The following COL6A5 variants were observed in gnomAD, a reference collection of about 807,000 sequenced individuals.
COL6A5 encodes the protein collagen type VI alpha 5 chain.
Under a neutral mutation model 65.6 loss-of-function variants are expected in COL6A5, and 48 were observed. That is an observed-to-expected ratio of 0.73 (90% CI 0.58 to 0.93). The LOEUF (loss-of-function observed/expected upper bound fraction) is 0.93, where lower values mean the gene tolerates loss of function less well. COL6A5 is among the 40% of genes least tolerant of loss of function. The probability of loss-of-function intolerance (pLI) is 0.00; values close to 1 mark genes in which losing one functional copy is unlikely to be tolerated. For synonymous variants in COL6A5, 291 were observed against 322.8 expected (o/e 0.90, Z 1.05); for missense variants, 914 against 928.3 (o/e 0.98, Z 0.20).
exon 3 of COL6A5, chr3:130,440,773 A>G (rs1326134301): frequency 6.2e-7 from 1 of 1,613,126 alleles, no homozygotes; most frequent in East Asian, 2.2e-5. Flanking sequence ...TACATAAACC[A>G]GATCTGAATT....
exon 8 of COL6A5, chr3:130,484,065 A>G: frequency 1.2e-6 from 2 of 1,606,514 alleles, no homozygotes; most frequent in Non-Finnish European, 1.7e-6. Flanking sequence ...TCATAGGAGA[A>G]AAGAAGATAG....
chr3:130,353,261 C>T (rs1483507294), intron 1 of COL6A5, among the ~76,000 whole-genome samples: 1 of 152,154 alleles, frequency 6.6e-6, no homozygotes, highest in Non-Finnish European at 1.5e-5. Flanking sequence ...CCTGTCTTTC[C>T]TCAACTTTAC....
At chr3:130,439,461 G>T in intron 1 of COL6A5, 61 bp from the exon 34 acceptor site, 2 of 1,209,964 alleles carry the variant, frequency 1.7e-6, no homozygotes, top group South Asian at 1.3e-5. Flanking sequence ...TCCTTAAAGT[G>T]GTTTCCTACT....
chr3:130,479,561 A>C (rs1231368234), intron 7 of COL6A5, among the ~76,000 whole-genome samples: 1 of 152,126 alleles, frequency 6.6e-6, no homozygotes, highest in African/African-American at 2.4e-5. Context: ...TACCATAATT[A>C]TTTCAACTGA....
intron 25 of COL6A5, 111 bp from the exon 26 acceptor site, chr3:130,421,042 T>A (rs1437375842): frequency 1.0e-6 from 1 of 955,620 alleles, no homozygotes; most frequent in Non-Finnish European, 1.6e-6. Context: ...ATTAGGCCCC[T>A]TCTGCATGGA....
intron 7 of COL6A5, chr3:130,476,833 T>C: frequency 1.5e-6 from 1 of 652,124 alleles, no homozygotes; most frequent in Admixed American, 2.1e-5. Flanking sequence ...GTTGTAATGA[T>C]ATTATATACA....
At chr3:130,395,615 C>A in intron 8 of COL6A5, 150 bp downstream of exon 8, 1 of 727,292 alleles carries the variant, frequency 1.4e-6, no homozygotes. Flanking sequence ...GAAGAGACTT[C>A]TCTGCTTCCA....
chr3:130,438,848 T>C (rs2107701229), intron 1 of COL6A5, among the ~76,000 whole-genome samples: 1 of 152,246 alleles, frequency 6.6e-6, no homozygotes, highest in Non-Finnish European at 1.5e-5. Context: ...AATGAATGAG[T>C]GCTGTATATT....
At chr3:130,409,533 A>G in intron 18 of COL6A5, 145 bp downstream of exon 18, 1 of 645,240 alleles carries the variant, frequency 1.5e-6, no homozygotes, top group Non-Finnish European at 2.5e-6. Flanking sequence ...GGCTTTGGGA[A>G]AAGTCTGTTT....
In COL6A5 at chr3:130,389,009, A is replaced by G. The variant is rs1006545437; in HGVS notation, c.2291A>G (p.Tyr764Cys). The G allele has an allele frequency of 8.4e-6, 13 of 1,545,138 alleles. No homozygotes were observed. The highest frequency in any genetic ancestry group is 2.7e-5 in the African/African-American group (2 of 72,826). ...GTGACCATCTTCTCTGTAGGAGTAT[A>G]CAATGCCAATAGATCTCAGCTAGAA... The change falls in exon 6 of 42, where the codon TAC (tyrosine) becomes TGC (cysteine). Residue 764 changes from tyrosine to cysteine, a missense_variant and NMD_transcript_variant. Coordinates refer to the COL6A5 transcript ENST00000312481.
chr3:130,422,765 G>A (rs1375483160), exon 28 of COL6A5: 2 of 1,515,332 alleles, frequency 1.3e-6, no homozygotes, highest in Non-Finnish European at 1.8e-6. Context: ...TGGACCCAAA[G>A]GATTTAGGGG....
intron 12 of COL6A5, among the ~76,000 whole-genome samples, chr3:130,402,262 C>T (rs1436680030): frequency 6.6e-6 from 1 of 152,090 alleles, no homozygotes; most frequent in Non-Finnish European, 1.5e-5. Flanking sequence ...TAACGAGACC[C>T]CATCTCCTTA....
At chr3:130,351,788 C>T (rs1411428239) in intron 1 of COL6A5, among the ~76,000 whole-genome samples, 1 of 152,086 alleles carries the variant, frequency 6.6e-6, no homozygotes, top group Non-Finnish European at 1.5e-5. Flanking sequence ...ACCATTTGAC[C>T]CAGTGGTCTC....
Position 130,484,366 on chromosome 3 carries a change from G to A in COL6A5, c.*325G>A, listed in dbSNP as rs6439237. On this transcript the variant is annotated 3_prime_UTR_variant, in exon 8 of 8. Coordinates refer to ENST00000512836, the Ensembl canonical transcript of COL6A5. The stretch of plus-strand genomic sequence containing the variant: ...CAGTTCAGGCATCAATTTTGATGAT[G>A]TATCTGCCTGTAAAAGATTGTCATT... The A allele has an allele frequency of 2.2e-3, 880 of 406,764 alleles. 3 individuals are homozygous for A. Among genetic ancestry groups the A allele is most frequent in the African/African-American group, 0.016 (796 of 48,884 alleles). 25.2% of individuals were successfully genotyped at this position (406,764 alleles called of 1,614,324 possible).
chr3:130,421,207 A>C lies in COL6A5; in HGVS notation c.5001+4A>C. 1 of 1,550,604 alleles carries C rather than the reference A, an allele frequency of 6.4e-7. No homozygotes were observed. ...GATGGGACGAAAAGGAGTAAAGGTA[A>C]ATATGGAAATCAATTATTTTTATTC... On this transcript the variant is annotated splice_donor_region_variant and intron_variant and NMD_transcript_variant, in intron 26 of 41. Transcript: ENST00000312481.
At chr3:130,423,766 T>A in intron 28 of COL6A5, 72 bp from the exon 29 acceptor site, 1 of 1,190,750 alleles carries the variant, frequency 8.4e-7, no homozygotes, top group East Asian at 2.6e-5. Flanking sequence ...TTAGAAAGTC[T>A]TATCGAAACT....
intron 5 of COL6A5, among the ~76,000 whole-genome samples, chr3:130,464,021 G>GA (rs1375421219): frequency 3.3e-5 from 5 of 152,056 alleles, no homozygotes; most frequent in Non-Finnish European, 7.4e-5. Context: ...TTTATAAAGA[G>GA]AAAACTGGAA....
intron 1 of COL6A5, among the ~76,000 whole-genome samples, chr3:130,360,035 G>A (rs1190368388): frequency 6.6e-6 from 1 of 151,882 alleles, no homozygotes; most frequent in Non-Finnish European, 1.5e-5. Context: ...TTAAGACAAG[G>A]AAAATTACCA....
chr3:130,365,711 TAG>T (rs1382808784), intron 1 of COL6A5, among the ~76,000 whole-genome samples: 2 of 152,170 alleles, frequency 1.3e-5, no homozygotes, highest in African/African-American at 2.4e-5. Context: ...GTGTTTTCTG[TAG>T]AGAGCTTGCT....
Sources: gnomAD v4.1 joint callset for allele counts (sites outside exome capture counted in the v4.1 genomes callset) on GRCh38, gnomAD v4.1.1 for gene constraint, MANE v1.5 for transcripts, NCBI Gene and HGNC (gene_info 2026-07-23, HGNC 2026-07-21) for gene names.